Variants in SLC9A2 observed in about 807,000 individuals in gnomAD.
The protein encoded by SLC9A2 is sodium/hydrogen exchanger 2.
In SLC9A2, 42 loss-of-function variants were observed where a neutral mutation model predicts 71.7. That is an observed-to-expected ratio of 0.59 (90% CI 0.46 to 0.76). SLC9A2 has a LOEUF of 0.76. Ranked by LOEUF, SLC9A2 falls within the 30% of genes least tolerant of loss-of-function variation. SLC9A2 has a pLI of 0.00. For missense variants in SLC9A2, 829 were observed against 1,017.4 expected, an observed-to-expected ratio of 0.81 and a Z score of 2.52; for synonymous variants, 396 against 392.5, an observed-to-expected ratio of 1.01 and a Z score of -0.10.
Position 102,665,162 on chromosome 2 carries a change from T to G in SLC9A2, c.816T>G (p.Phe272Leu). 1 of 1,614,196 alleles carries G rather than the reference T, an allele frequency of 6.2e-7. No homozygotes were observed. Among genetic ancestry groups the G allele is most frequent in the Non-Finnish European group, 8.5e-7 (1 of 1,180,038 alleles). The part of the protein sequence containing the change: ...QMKTIETIDV[F>L]AGIANFFVVG... ...AAACCATTGAGACCATTGATGTGTT[T>G]GCAGGAATCGCCAACTTCTTTGTTG... Residue 272 changes from phenylalanine to leucine, a missense_variant, in exon 3 of 12, where the codon TTT becomes TTG. Physicochemically the swap from Phe to Leu is conservative, Grantham distance 22. Around this residue, in one of 3 missense-constraint regions of SLC9A2, gnomAD observed 500 missense variants for 726.3 expected, o/e 0.69. Transcript: ENST00000233969.
intron 1 of SLC9A2, among the ~76,000 whole-genome samples, chr2:102,628,133 C>T (rs111411276): frequency 5.3e-5 from 8 of 152,048 alleles, no homozygotes; most frequent in East Asian, 3.9e-4. Context: ...ACAAACTAAA[C>T]GTATTCATAA....
chr2:102,662,841 G>A (rs756073415), intron 2 of SLC9A2, among the ~76,000 whole-genome samples: 34 of 152,164 alleles, frequency 2.2e-4, no homozygotes, highest in Non-Finnish European at 4.6e-4. Flanking sequence ...GCCTTTGAAG[G>A]AAGTAGGTCT....
intron 1 of SLC9A2, among the ~76,000 whole-genome samples, chr2:102,652,555 C>T (rs1393704642): frequency 6.6e-6 from 1 of 152,120 alleles, no homozygotes; most frequent in African/African-American, 2.4e-5. Context: ...TGAATGAACC[C>T]TCACACCCCC....
At chr2:102,663,357 C>A (rs957750920) in intron 2 of SLC9A2, among the ~76,000 whole-genome samples, 2 of 152,090 alleles carry the variant, frequency 1.3e-5, no homozygotes, top group Non-Finnish European at 2.9e-5. Context: ...TCAAAGCCAA[C>A]AGATATTTAT....
intron 1 of SLC9A2, among the ~76,000 whole-genome samples, chr2:102,621,144 ACT>A (rs1558697692): frequency 6.6e-6 from 1 of 152,000 alleles, no homozygotes; most frequent in Non-Finnish European, 1.5e-5. Context: ...ACAAAGCAAG[ACT>A]CTGTCTCAAA....
chr2:102,624,912 C>T (rs1307346729), intron 1 of SLC9A2, among the ~76,000 whole-genome samples: 1 of 152,298 alleles, frequency 6.6e-6, no homozygotes, highest in East Asian at 1.9e-4. Flanking sequence ...GTCTGAATTA[C>T]AGAGACTTTG....
At chr2:102,666,432 C>T (rs983460278) in intron 3 of SLC9A2, among the ~76,000 whole-genome samples, 3 of 152,196 alleles carry the variant, frequency 2.0e-5, no homozygotes, top group Non-Finnish European at 4.4e-5. Flanking sequence ...CTCCTGACCA[C>T]GCGATCCACC....
At chr2:102,695,791 A>T (rs13401802) in intron 7 of SLC9A2, among the ~76,000 whole-genome samples, 11 of 33,484 alleles carry the variant, frequency 3.3e-4, no homozygotes, top group South Asian at 1.0e-3. Flanking sequence ...TATATATATT[A>T]TATATATATT....
intron 1 of SLC9A2, among the ~76,000 whole-genome samples, chr2:102,621,495 A>G (rs962831207): frequency 1.3e-5 from 2 of 152,030 alleles, no homozygotes; most frequent in East Asian, 1.9e-4. Context: ...GCTTTATATT[A>G]TTTTTACTTT....
intron 3 of SLC9A2, among the ~76,000 whole-genome samples, chr2:102,675,959 C>A (rs1677338829): frequency 6.6e-6 from 1 of 152,184 alleles, no homozygotes; most frequent in South Asian, 2.1e-4. Context: ...CAGGCCTCAG[C>A]CAGAGGTTCT....
intron 3 of SLC9A2, among the ~76,000 whole-genome samples, chr2:102,679,054 G>A (rs9636369): frequency 0.65 from 99,454 of 152,012 alleles, 33,152 homozygotes; most frequent in East Asian, 0.86. Flanking sequence ...AGGTGACTCA[G>A]GTTGTACATG....
intron 5 of SLC9A2, among the ~76,000 whole-genome samples, chr2:102,684,708 G>A (rs57373441): frequency 0.056 from 8,459 of 152,176 alleles, 458 homozygotes; most frequent in African/African-American, 0.14. Flanking sequence ...ACTGCCTCGC[G>A]GTGACTCCCC....
intron 3 of SLC9A2, among the ~76,000 whole-genome samples, chr2:102,668,616 G>C (rs1387024868): frequency 1.3e-5 from 2 of 152,214 alleles, no homozygotes; most frequent in Non-Finnish European, 2.9e-5. Flanking sequence ...CTGACGTACT[G>C]AGAATGCTCA....
intron 1 of SLC9A2, among the ~76,000 whole-genome samples, chr2:102,631,877 A>G (rs756856869): frequency 2.7e-4 from 40 of 150,870 alleles, no homozygotes; most frequent in Non-Finnish European, 5.3e-4. Flanking sequence ...TGGGAAAGAT[A>G]GCCCTGGATT....
chr2:102,682,317 G>A (rs546578346), intron 3 of SLC9A2, among the ~76,000 whole-genome samples: 47 of 152,208 alleles, frequency 3.1e-4, no homozygotes, highest in Non-Finnish European at 6.0e-4. Context: ...CCTAGACAGA[G>A]AGGAACCCAT....
chr2:102,680,208 G>T (rs1283557004), intron 3 of SLC9A2, among the ~76,000 whole-genome samples: 1 of 151,704 alleles, frequency 6.6e-6, no homozygotes, highest in Admixed American at 6.6e-5. Flanking sequence ...TTTTTGAAAG[G>T]CTTATTAGTG....
intron 3 of SLC9A2, among the ~76,000 whole-genome samples, chr2:102,668,931 C>A (rs1677194046): frequency 6.6e-6 from 1 of 152,146 alleles, no homozygotes; most frequent in African/African-American, 2.4e-5. Flanking sequence ...ACTTAATGAG[C>A]AGGTAGTTAC....
intron 1 of SLC9A2, among the ~76,000 whole-genome samples, chr2:102,626,705 AG>A (rs1304997300): frequency 2.6e-5 from 4 of 152,006 alleles, no homozygotes; most frequent in African/African-American, 9.7e-5. Flanking sequence ...GAATCTACAA[AG>A]AACTCAAACA....
At position 102,695,213 on chromosome 2, in the gene SLC9A2, G is replaced by C. The variant is rs2104548994; in HGVS notation, c.1586+100G>C. ...TATTTTTTAATTGGAAATCTTTCCTGTGTTGTACCATAGTATGTCCTCTAA... is the reference window on the plus strand; with the variant it reads ...TATTTTTTAATTGGAAATCTTTCCTCTGTTGTACCATAGTATGTCCTCTAA... On this transcript the variant is annotated intron_variant, in intron 7 of 11. Transcript: ENST00000233969. 5 of 843,274 alleles carry C rather than the reference G, an allele frequency of 5.9e-6. No homozygotes were observed. The South Asian group carries it at 7.8e-5, about 13-fold the overall frequency. The allele number at this position is 843,274 out of a possible 1,614,324, so 52.2% of individuals were successfully genotyped here. A position where few individuals can be genotyped will look rare whatever the true frequency, so the allele number is the denominator to read the frequency against.
Sources: allele counts gnomAD v4.1 joint callset (sites outside exome capture counted in the v4.1 genomes callset), GRCh38; gene constraint gnomAD v4.1.1; regional missense constraint gnomAD v4.1.1; transcripts MANE v1.5; gene names NCBI Gene and HGNC (gene_info 2026-07-23, HGNC 2026-07-21).